CHD1L: variants seen among roughly 807,000 people sequenced by gnomAD.
CHD1L encodes the protein chromodomain helicase DNA binding protein 1 like.
In CHD1L, 118 loss-of-function variants were observed where a neutral mutation model predicts 115.9. That is an observed-to-expected ratio of 1.02 (90% CI 0.88 to 1.19). The LOEUF (loss-of-function observed/expected upper bound fraction) is 1.19. CHD1L is among the 50% of genes most tolerant of loss of function. The probability of loss-of-function intolerance (pLI) is 0.00; values close to 1 mark genes in which losing one functional copy is unlikely to be tolerated. For missense variants in CHD1L, 1,179 were observed against 1,065.3 expected, an observed-to-expected ratio of 1.11 and a Z score of -1.49; for synonymous variants, 411 against 387.1, an observed-to-expected ratio of 1.06 and a Z score of -0.72.
the CHD1L span, among the ~76,000 whole-genome samples, chr1:147,226,817 A>C: frequency 6.8e-6 from 1 of 147,176 alleles, no homozygotes; most frequent in Non-Finnish European, 1.5e-5. Flanking sequence ...ATTAACATTA[A>C]TGTGTTTTGG....
At chr1:147,240,570 T>A (rs1664754961), upstream of CHD1L, among the ~76,000 whole-genome samples, 3 of 151,208 alleles carry the variant, frequency 2.0e-5, no homozygotes, top group Admixed American at 2.0e-4. Context: ...TCTTTGCAGT[T>A]GAGATAAGAG....
chr1:147,237,392 T>A, the CHD1L span, among the ~76,000 whole-genome samples: 1 of 151,652 alleles, frequency 6.6e-6, no homozygotes, highest in Non-Finnish European at 1.5e-5. Flanking sequence ...GGAGGCCGAG[T>A]TGGTGGACAT....
Position 147,243,585 on chromosome 1 carries a change from C to CT in CHD1L, c.127+756dup, listed in dbSNP as rs587669645. On this transcript the variant is annotated intron_variant, in intron 1 of 22. Coordinates refer to ENST00000369258, the MANE Select transcript of CHD1L (RefSeq NM_004284.6). The stretch of plus-strand genomic sequence containing the variant: ...CCTGCAGCTCCGAGACCCCGCTCTC[C>CT]TCCTGGGTCTGCGCTGACTCGCCGC... 5.3e-5 allele frequency among the ~76,000 whole-genome samples: 8 copies of CT among 152,286 alleles called. No homozygotes were observed. In the South Asian group the frequency reaches 1.2e-3, roughly 24 times the overall value.
chr1:147,284,743 C>A (rs975496154), intron 16 of CHD1L, among the ~76,000 whole-genome samples: 1 of 152,114 alleles, frequency 6.6e-6, no homozygotes, highest in African/African-American at 2.4e-5. Flanking sequence ...CAGCCTTGTC[C>A]ATCCAAGTCA....
chr1:147,234,068 G>A, the CHD1L span, among the ~76,000 whole-genome samples: 2 of 151,888 alleles, frequency 1.3e-5, no homozygotes. Context: ...CCCCCTCTGC[G>A]AGAAACACCC....
chr1:147,225,279 G>C, the CHD1L span: 1 of 928,208 alleles, frequency 1.1e-6, no homozygotes, highest in Non-Finnish European at 1.5e-6. Context: ...TGCGGTACCG[G>C]ATCTCACCGC....
At chr1:147,213,241 CT>C in the CHD1L span, 23 of 1,284,748 alleles carry the variant, frequency 1.8e-5, no homozygotes, top group South Asian at 3.9e-4. Flanking sequence ...GACCACAATC[CT>C]CCCATTCCTC....
At chr1:147,242,677 G>T (rs932010178), upstream of CHD1L, 1 of 1,264,404 alleles carries the variant, frequency 7.9e-7, no homozygotes, top group Non-Finnish European at 1.0e-6. Flanking sequence ...GCGCTTGGCC[G>T]CGCGGGGCGG....
At chr1:147,292,781 G>A (rs1297618160) in intron 20 of CHD1L, among the ~76,000 whole-genome samples, 1 of 152,172 alleles carries the variant, frequency 6.6e-6, no homozygotes. Context: ...TGAACTACCA[G>A]AGCAAGAACT....
At chr1:147,179,317 T>G in the CHD1L span, 3 of 1,608,212 alleles carry the variant, frequency 1.9e-6, no homozygotes, top group Non-Finnish European at 2.6e-6. Flanking sequence ...GATTGAATTT[T>G]ATGCCCCTTG....
At chr1:147,251,514 G>C (rs942319218) in intron 1 of CHD1L, among the ~76,000 whole-genome samples, 7 of 152,068 alleles carry the variant, frequency 4.6e-5, no homozygotes, top group Non-Finnish European at 7.4e-5. Flanking sequence ...ATGAGATACT[G>C]TAATTTATTT....
intron 14 of CHD1L, among the ~76,000 whole-genome samples, chr1:147,277,397 C>T (rs12067416): frequency 0.03 from 4,630 of 152,264 alleles, 229 homozygotes; most frequent in African/African-American, 0.11. Flanking sequence ...TACATGGTTA[C>T]CGTATCTGCA....
At chr1:147,272,036 G>A in intron 11 of CHD1L, 135 bp from the exon 12 acceptor site, 2 of 572,872 alleles carry the variant, frequency 3.5e-6, no homozygotes, top group Non-Finnish European at 6.1e-6. Flanking sequence ...TTTCCCTTTG[G>A]GATTTGCTTA....
chr1:147,238,041 C>A (rs180988212), upstream of CHD1L, among the ~76,000 whole-genome samples: 59 of 152,262 alleles, frequency 3.9e-4, no homozygotes, highest in Middle Eastern at 0.02. Flanking sequence ...TTCTATACTT[C>A]TATACTGTGG....
Position 147,266,093 on chromosome 1 carries a change from C to A in CHD1L, c.895+6C>A. 1 of 1,605,048 alleles carries A rather than the reference C, an allele frequency of 6.2e-7. No homozygotes were observed. The highest frequency in any genetic ancestry group is 8.5e-7 in the Non-Finnish European group (1 of 1,176,498). ...CATTTTGATGAAAGACCTAGGTAAT[C>A]AGAGGGCACTTGTCCATTTAGAAAC... is the stretch of plus-strand genomic sequence containing the variant. On this transcript the variant is annotated splice_donor_region_variant and intron_variant, in intron 8 of 22. Coordinates refer to ENST00000369258, the MANE Select transcript of CHD1L (RefSeq NM_004284.6).
chr1:147,204,443 G>T, the CHD1L span: 1 of 1,266,232 alleles, frequency 7.9e-7, no homozygotes, highest in Non-Finnish European at 1.2e-6. Flanking sequence ...GAGGTACGAA[G>T]TAGAGATGAG....
chr1:147,200,871 T>C, the CHD1L span, among the ~76,000 whole-genome samples: 1 of 152,168 alleles, frequency 6.6e-6, no homozygotes, highest in Non-Finnish European at 1.5e-5. Flanking sequence ...AATATTTTTC[T>C]CAAAGATGTT....
At chr1:147,191,011 A>C in the CHD1L span, among the ~76,000 whole-genome samples, 1 of 151,764 alleles carries the variant, frequency 6.6e-6, no homozygotes, top group Non-Finnish European at 1.5e-5. Flanking sequence ...AAGGACATGA[A>C]CTCTTCATTT....
At chr1:147,229,417 T>C in the CHD1L span, among the ~76,000 whole-genome samples, 20 of 152,290 alleles carry the variant, frequency 1.3e-4, 1 homozygote, top group East Asian at 2.7e-3. Context: ...TGTAGCCTTG[T>C]AGTATAGTTT....
Sources: allele counts gnomAD v4.1 joint callset (sites outside exome capture counted in the v4.1 genomes callset), GRCh38; gene constraint gnomAD v4.1.1; transcripts MANE v1.5; gene names NCBI Gene and HGNC (gene_info 2026-07-23, HGNC 2026-07-21).